The following PLCE1 variants were observed in gnomAD, a reference collection of about 807,000 sequenced individuals.
PLCE1 encodes the protein 1-phosphatidylinositol 4,5-bisphosphate phosphodiesterase epsilon-1.
Under a neutral mutation model 242.8 loss-of-function variants are expected in PLCE1, and 119 were observed. The observed-to-expected ratio is 0.49, with a 90% CI of 0.42 to 0.57. The LOEUF is 0.57. PLCE1 is among the 20% of genes least tolerant of loss of function. PLCE1 has a pLI of 0.00. For synonymous variants in PLCE1, 945 were observed against 1,017.4 expected, an observed-to-expected ratio of 0.93 and a Z score of 1.35; for missense variants, 2,441 against 2,788.8, an observed-to-expected ratio of 0.88 and a Z score of 2.81.
Position 94,306,542 on chromosome 10 carries a change from G to A in PLCE1, c.5738G>A (p.Arg1913Gln). The change falls in exon 26 of 33, where the codon CGA becomes CAA. Residue 1913 changes from arginine (R) to glutamine (Q), a missense_variant. Physicochemically the swap from Arg to Gln is conservative, Grantham distance 43. This residue lies in a region of PLCE1 where 1,004 missense variants were observed against 1,322.7 expected (regional missense o/e 0.76). Coordinates refer to ENST00000371380, the MANE Select transcript of PLCE1 (RefSeq NM_016341.4). The surrounding 1 kb of genome is among the most constrained non-coding windows in gnomAD (Gnocchi z 5.7). ...SCHFRTKPIH[R>Q]NTLNPMWNEQ... The stretch of plus-strand genomic sequence containing the variant: ...CATTTCCGCACAAAGCCCATCCATC[G>A]AAACACCCTGAACCCCATGTGGAAC... 3.7e-6 allele frequency: 6 copies of A among 1,614,102 alleles called. No homozygotes were observed. Among genetic ancestry groups the A allele is most frequent in the Middle Eastern group, 1.6e-4 (1 of 6,062 alleles).
At chr10:94,024,317 C>T (rs116290227) in intron 1 of PLCE1, among the ~76,000 whole-genome samples, 1,583 of 152,216 alleles carry the variant, frequency 0.01, 30 homozygotes, top group African/African-American at 0.031. Flanking sequence ...ATTCTATTAC[C>T]AGTTTTGGCA....
rs528169096 is a variant in PLCE1 at position 94,291,269 on chromosome 10, G to A, written c.5036-2239G>A. 4.1e-4 allele frequency among the ~76,000 whole-genome samples: 62 copies of A among 152,240 alleles called. 2 individuals carry two copies. The South Asian group carries it at 7.1e-3, about 17-fold the overall frequency. The stretch of plus-strand genomic sequence containing the variant: ...CTCCCAAGTCGCTGGGACTACTGGT[G>A]TGCACCACTGCATCTGGTTCTGGAG... On this transcript the variant is annotated intron_variant, in intron 22 of 32. Transcript: ENST00000371380.
intron 2 of PLCE1, among the ~76,000 whole-genome samples, chr10:94,051,167 A>G (rs1465333663): frequency 1.3e-5 from 2 of 152,004 alleles, no homozygotes; most frequent in Admixed American, 6.6e-5. Context: ...TTTTCTTACC[A>G]ATGGGACAAG....
In PLCE1 at chr10:94,032,140, A is replaced by T. The variant is rs903147027; in HGVS notation, c.1094A>T (p.Asp365Val). 11 of 1,609,686 alleles carry T rather than the reference A, an allele frequency of 6.8e-6. No individual in the cohort carries two copies. The highest frequency in any genetic ancestry group is 3.4e-5 in the Admixed American group (2 of 59,082). The change falls in exon 2 of 33, where the codon GAT becomes GTT. Residue 365 changes from aspartate (D) to valine (V), a missense_variant. Transcript: ENST00000371380. The stretch of plus-strand genomic sequence containing the variant: ...GGGCTGACTGCATGGAGTTACATAG[A>T]TCAGAAGAGAAATGGTCCCTTACTG... ...HIGLTAWSYI[D>V]QKRNGPLLPC...
chr10:94,099,388 G>A (rs1358875511), intron 2 of PLCE1, among the ~76,000 whole-genome samples: 1 of 152,128 alleles, frequency 6.6e-6, no homozygotes, highest in Non-Finnish European at 1.5e-5. Context: ...AGGCCTCTCA[G>A]CAACCCTGTT....
At chr10:94,243,883 C>T (rs1251398503) in intron 7 of PLCE1, among the ~76,000 whole-genome samples, 4 of 152,186 alleles carry the variant, frequency 2.6e-5, no homozygotes, top group South Asian at 2.1e-4. Context: ...ATCACAAATA[C>T]ATACCATATG....
intron 2 of PLCE1, among the ~76,000 whole-genome samples, chr10:94,053,960 ACTG>A (rs1374820997): frequency 6.6e-6 from 1 of 152,198 alleles, no homozygotes; most frequent in Non-Finnish European, 1.5e-5. Context: ...AGATTTGTAA[ACTG>A]CCAGAATCCA....
At chr10:94,096,360 A>C (rs760833521) in intron 2 of PLCE1, 16 of 152,236 alleles carry the variant, frequency 1.1e-4, no homozygotes, top group Admixed American at 3.3e-4. Flanking sequence ...TTATAAAGGA[A>C]AGAGATTTAA....
intron 2 of PLCE1, among the ~76,000 whole-genome samples, chr10:94,098,204 T>C (rs2045387818): frequency 6.6e-6 from 1 of 152,174 alleles, no homozygotes; most frequent in African/African-American, 2.4e-5. Flanking sequence ...TTGCTGGGGA[T>C]TCACCATTCC....
intron 2 of PLCE1, among the ~76,000 whole-genome samples, chr10:94,046,624 C>T (rs2061889556): frequency 6.6e-6 from 1 of 152,344 alleles, no homozygotes. Flanking sequence ...GGATGCCAAA[C>T]ACTATTTCTG....
At chr10:94,233,310 G>A (rs1042250381) in intron 5 of PLCE1, among the ~76,000 whole-genome samples, 4 of 152,218 alleles carry the variant, frequency 2.6e-5, no homozygotes, top group Non-Finnish European at 5.9e-5. Context: ...TTCTACAGAA[G>A]AGGTGAAAAC....
At chr10:94,114,278 A>T (rs572935935) in intron 2 of PLCE1, among the ~76,000 whole-genome samples, 1 of 152,312 alleles carries the variant, frequency 6.6e-6, no homozygotes, top group East Asian at 1.9e-4. Context: ...AAGTGGAGCA[A>T]ATTGGGCTCC....
chr10:94,037,002 T>C (rs2061677268), intron 2 of PLCE1, among the ~76,000 whole-genome samples: 1 of 152,082 alleles, frequency 6.6e-6, no homozygotes, highest in African/African-American at 2.4e-5. Flanking sequence ...AAACAAAGAA[T>C]AAAAATGTAA....
At position 94,298,540 on chromosome 10, in the gene PLCE1, A is replaced by G; in HGVS notation, c.5329A>G (p.Thr1777Ala). 1 of 1,613,950 alleles carries G rather than the reference A, an allele frequency of 6.2e-7. No homozygotes were observed. Among genetic ancestry groups the G allele is most frequent in the Non-Finnish European group, 8.5e-7 (1 of 1,179,976 alleles). ...GTGTCGCAGGTATTCTCAGAAACTG[A>G]CCCAGCACACCGCCTGTCAGCTGCT... Reference protein sequence around the residue: ...RLCRRYSQKLTQHTACQLLRT... With the variant: ...RLCRRYSQKLAQHTACQLLRT... Residue 1777 changes from threonine to alanine, a missense_variant, in exon 24 of 33, where the codon ACC becomes GCC. Around this residue, in one of 5 missense-constraint regions of PLCE1, gnomAD observed 1,004 missense variants for 1,322.7 expected, o/e 0.76. Coordinates refer to ENST00000371380, the MANE Select transcript of PLCE1 (RefSeq NM_016341.4). The surrounding 1 kb of genome is among the most constrained non-coding windows in gnomAD (Gnocchi z 5.2).
chr10:94,247,795 G>A (rs1303604534), intron 8 of PLCE1, among the ~76,000 whole-genome samples: 3 of 152,242 alleles, frequency 2.0e-5, no homozygotes, highest in East Asian at 1.9e-4. Flanking sequence ...ATAGTTTAGC[G>A]TGGCAACAGG....
chr10:94,145,583 G>A (rs2047088601), intron 3 of PLCE1, among the ~76,000 whole-genome samples: 1 of 152,110 alleles, frequency 6.6e-6, no homozygotes, highest in Non-Finnish European at 1.5e-5. Flanking sequence ...GCAACCCTGG[G>A]CCACTATTCT....
chr10:94,173,721 G>A (rs943857313), intron 4 of PLCE1, among the ~76,000 whole-genome samples: 8 of 152,162 alleles, frequency 5.3e-5, no homozygotes, highest in Non-Finnish European at 8.8e-5. Context: ...GCAGGCTTTG[G>A]ACTATCTCTG....
intron 2 of PLCE1, among the ~76,000 whole-genome samples, chr10:94,124,258 G>T (rs916942379): frequency 6.6e-6 from 1 of 151,784 alleles, no homozygotes; most frequent in Non-Finnish European, 1.5e-5. Context: ...GGTGCCTGTA[G>T]TCCCAGCCAC....
intron 1 of PLCE1, among the ~76,000 whole-genome samples, chr10:94,024,153 T>C (rs2061421235): frequency 6.6e-6 from 1 of 152,130 alleles, no homozygotes; most frequent in South Asian, 2.1e-4. Context: ...GAGGAAAGGA[T>C]TGCTTAGGCA....
Sources: allele counts gnomAD v4.1 joint callset (sites outside exome capture counted in the v4.1 genomes callset), GRCh38; gene constraint gnomAD v4.1.1; regional missense constraint gnomAD v4.1.1; non-coding constraint Gnocchi (gnomAD v3.1); transcripts MANE v1.5; gene names NCBI Gene and HGNC (gene_info 2026-07-23, HGNC 2026-07-21).